Variants in LARS2 observed in about 807,000 individuals in gnomAD.
LARS2 encodes the protein leucine--tRNA ligase, mitochondrial.
A neutral mutation model predicts 116.6 loss-of-function variants in LARS2; 81 were observed. That is an observed-to-expected ratio of 0.69 (90% CI 0.58 to 0.84). LARS2 has a LOEUF of 0.84. LARS2 is among the 40% of genes least tolerant of loss of function. LARS2 has a pLI of 0.00. For synonymous variants in LARS2, 396 were observed against 407.2 expected (o/e 0.97, Z 0.33); for missense variants, 968 against 1,114.5 (o/e 0.87, Z 1.87).
At chr3:45,433,905 T>G (rs758986339) in intron 6 of LARS2, among the ~76,000 whole-genome samples, 1 of 152,202 alleles carries the variant, frequency 6.6e-6, no homozygotes, top group Non-Finnish European at 1.5e-5. Context: ...TTTTAGTACT[T>G]GAAAAATGTG....
chr3:45,412,529 C>A (rs1698347469), intron 4 of LARS2, among the ~76,000 whole-genome samples: 1 of 152,192 alleles, frequency 6.6e-6, no homozygotes, highest in South Asian at 2.1e-4. Context: ...TATGCCATTT[C>A]ATTTGTTAAA....
chr3:45,510,486 G>A (rs1354365121), intron 15 of LARS2, among the ~76,000 whole-genome samples: 2 of 149,846 alleles, frequency 1.3e-5, no homozygotes. Flanking sequence ...ACAATAAAAT[G>A]TAATAGCTGC....
In LARS2 at chr3:45,491,539, A is replaced by T. The variant is rs764790990; in HGVS notation, c.1262A>T (p.Asp421Val). The T allele has an allele frequency of 3.1e-6, 5 of 1,614,008 alleles. No homozygotes were observed. The highest frequency in any genetic ancestry group is 4.2e-6 in the Non-Finnish European group (5 of 1,180,010). ...CAGTTCACAGGTATGACCCGGCAGG[A>T]TGCTTTTCTAGCCCTGACTCAGAAA... ...SAEFTGMTRQDAFLALTQKAR... is the reference protein window; with the variant it reads ...SAEFTGMTRQVAFLALTQKAR... The change falls in exon 13 of 22, where the codon GAT becomes GTT. Residue 421 changes from aspartate to valine, a missense_variant. Physicochemically the swap from Asp to Val is radical, Grantham distance 152. Transcript: ENST00000645846.
intron 6 of LARS2, among the ~76,000 whole-genome samples, chr3:45,440,124 G>A (rs1033275377): frequency 1.3e-5 from 2 of 152,134 alleles, no homozygotes; most frequent in African/African-American, 2.4e-5. Flanking sequence ...TTCCAACGCC[G>A]CAGGTGTACA....
chr3:45,392,546 C>T (rs902518418), intron 2 of LARS2, among the ~76,000 whole-genome samples: 1 of 152,128 alleles, frequency 6.6e-6, no homozygotes, highest in African/African-American at 2.4e-5. Flanking sequence ...CCGCCTGCCT[C>T]AGCCTCCCAG....
intron 11 of LARS2, among the ~76,000 whole-genome samples, chr3:45,486,573 A>G (rs1203957351): frequency 6.6e-6 from 1 of 152,224 alleles, no homozygotes; most frequent in African/African-American, 2.4e-5. Context: ...ACTATTTCCT[A>G]GCACACAGAA....
At chr3:45,402,933 C>T (rs1489057920) in intron 4 of LARS2, among the ~76,000 whole-genome samples, 1 of 151,176 alleles carries the variant, frequency 6.6e-6, no homozygotes, top group African/African-American at 2.4e-5. Flanking sequence ...TGGAGAAACC[C>T]CATCTCTACT....
chr3:45,491,908 G>C (rs1699924142), intron 13 of LARS2, 108 bp downstream of exon 13: 19 of 1,070,340 alleles, frequency 1.8e-5, no homozygotes, highest in Non-Finnish European at 2.6e-5. Context: ...CTTTTTCCCT[G>C]ACTTCCATGA....
intron 10 of LARS2, chr3:45,483,966 A>G (rs143458637): frequency 1.8e-4 from 28 of 152,088 alleles, no homozygotes; most frequent in African/African-American, 6.7e-4. Flanking sequence ...CGGGAGGCCA[A>G]AATGATAGGA....
At position 45,491,556 on chromosome 3, in the gene LARS2, A is replaced by G; in HGVS notation, c.1279A>G (p.Thr427Ala). 1 of 1,614,140 alleles carries G rather than the reference A, an allele frequency of 6.2e-7. No individual in the cohort carries two copies. Among genetic ancestry groups the G allele is most frequent in the Non-Finnish European group, 8.5e-7 (1 of 1,180,020 alleles). Residue 427 changes from threonine (T) to alanine (A), a missense_variant, in exon 13 of 22, where the codon ACT becomes GCT. Thr to Ala is a moderately conservative substitution (Grantham distance 58). Transcript: ENST00000645846. The stretch of plus-strand genomic sequence containing the variant: ...CCGGCAGGATGCTTTTCTAGCCCTG[A>G]CTCAGAAAGCCCGGGGGAAGAGAGT... ...MTRQDAFLAL[T>A]QKARGKRVGG...
Position 45,439,511 on chromosome 3 carries a change from G to A in LARS2, c.517-7380G>A, listed in dbSNP as rs9814368. Among the ~76,000 whole-genome samples, 411 of 152,134 alleles carry A rather than the reference G, an allele frequency of 2.7e-3. 5 individuals carry two copies. Among genetic ancestry groups the A allele is most frequent in the African/African-American group, 9.3e-3 (386 of 41,536 alleles). On this transcript the variant is annotated intron_variant, in intron 6 of 21. Coordinates refer to ENST00000645846, the MANE Select transcript of LARS2 (RefSeq NM_015340.4). ...TGGGATTACAGGTGTGAGCCAGCGC[G>A]CCCAGCCAACTCTGGCATTTTTAAA... is the stretch of plus-strand genomic sequence containing the variant.
At chr3:45,439,508 C>T (rs895737671) in intron 6 of LARS2, among the ~76,000 whole-genome samples, 5 of 151,962 alleles carry the variant, frequency 3.3e-5, no homozygotes, top group South Asian at 2.1e-4. Context: ...TGTGAGCCAG[C>T]GCGCCCAGCC....
At chr3:45,523,391 CA>C (rs1470693830) in intron 19 of LARS2, among the ~76,000 whole-genome samples, 1 of 152,172 alleles carries the variant, frequency 6.6e-6, no homozygotes, top group Non-Finnish European at 1.5e-5. Flanking sequence ...AGTTTGGCTA[CA>C]GTGTGCCTGG....
At chr3:45,467,182 C>A (rs1013517830) in intron 8 of LARS2, among the ~76,000 whole-genome samples, 4 of 152,098 alleles carry the variant, frequency 2.6e-5, no homozygotes, top group African/African-American at 9.7e-5. Flanking sequence ...CTGTCCTTAC[C>A]CTGGGTTCTT....
rs1553634444 is a variant in LARS2 at position 45,484,630 on chromosome 3, A to AATATATATAT, written c.1019-1053_1019-1044dup. Among the ~76,000 whole-genome samples, 39 of 9,740 alleles carry AATATATATAT rather than the reference A, an allele frequency of 4.0e-3. 2 individuals are homozygous for AATATATATAT. Among genetic ancestry groups the AATATATATAT allele is most frequent in the East Asian group, 0.025 (3 of 118 alleles). 6.4% of individuals were successfully genotyped at this position (9,740 alleles called of 152,430 possible). ...AAAAAAAAAAAAAAAAAAAAAAAAA[A>AATATATATAT]ATATATATATATATATATTTAAAAT... On this transcript the variant is annotated intron_variant, in intron 10 of 21. Coordinates refer to ENST00000645846, the MANE Select transcript of LARS2 (RefSeq NM_015340.4).
At chr3:45,441,072 C>T (rs1049701984) in intron 6 of LARS2, among the ~76,000 whole-genome samples, 3 of 142,654 alleles carry the variant, frequency 2.1e-5, no homozygotes, top group Non-Finnish European at 3.0e-5. Flanking sequence ...GTCGCCCAGG[C>T]TGGAGTTCAG....
chr3:45,397,418 T>C (rs1009456887), intron 3 of LARS2, among the ~76,000 whole-genome samples: 3 of 152,164 alleles, frequency 2.0e-5, no homozygotes, highest in Non-Finnish European at 4.4e-5. Flanking sequence ...AAACAATACT[T>C]TTCTATGTAT....
chr3:45,448,084 C>CA (rs1699051746), intron 7 of LARS2, among the ~76,000 whole-genome samples: 1 of 151,928 alleles, frequency 6.6e-6, no homozygotes, highest in East Asian at 1.9e-4. Flanking sequence ...CCTGTCTCTA[C>CA]AAAAAGTAGG....
In LARS2 at chr3:45,491,534, G is replaced by T; in HGVS notation, c.1257G>T (p.Arg419=). The change falls in exon 13 of 22, where the codon CGG becomes CGT. Residue 419 remains arginine, a synonymous_variant. Coordinates refer to ENST00000645846, the MANE Select transcript of LARS2 (RefSeq NM_015340.4). The part of the protein sequence containing the change: ...SSSAEFTGMT[R]QDAFLALTQK... Reference sequence around the variant, plus strand: ...CCTGTCAGTTCACAGGTATGACCCGGCAGGATGCTTTTCTAGCCCTGACTC... The same window carrying T: ...CCTGTCAGTTCACAGGTATGACCCGTCAGGATGCTTTTCTAGCCCTGACTC... 1 of 1,614,158 alleles carries T rather than the reference G, an allele frequency of 6.2e-7. No individual in the cohort carries two copies. The highest frequency in any genetic ancestry group is 2.2e-5 in the East Asian group (1 of 44,882).
Sources: allele counts gnomAD v4.1 joint callset (sites outside exome capture counted in the v4.1 genomes callset), GRCh38; gene constraint gnomAD v4.1.1; transcripts MANE v1.5; gene names NCBI Gene and HGNC (gene_info 2026-07-23, HGNC 2026-07-21).